CDC42SE2: variants seen among roughly 807,000 people sequenced by gnomAD.
The protein encoded by CDC42SE2 is CDC42 small effector protein 2.
A neutral mutation model predicts 11.5 loss-of-function variants in CDC42SE2; 3 were observed. That is an observed-to-expected ratio of 0.26 (90% confidence interval 0.12 to 0.67). The LOEUF (loss-of-function observed/expected upper bound fraction) is 0.67. Ranked by LOEUF, CDC42SE2 falls within the 30% of genes least tolerant of loss-of-function variation. CDC42SE2 has a pLI of 0.80. For missense variants in CDC42SE2, 82 were observed against 106.8 expected (o/e 0.77, Z 1.02); for synonymous variants, 33 against 34.8 (o/e 0.95, Z 0.18).
intron 2 of CDC42SE2, among the ~76,000 whole-genome samples, chr5:131,356,567 G>A (rs1580776416): frequency 6.6e-6 from 1 of 152,086 alleles, no homozygotes; most frequent in African/African-American, 2.4e-5. Context: ...CATCTTCTTG[G>A]TTTGAAAATA....
upstream of CDC42SE2, among the ~76,000 whole-genome samples, chr5:131,262,999 C>G (rs1756764304): frequency 6.6e-6 from 1 of 151,480 alleles, no homozygotes; most frequent in Non-Finnish European, 1.5e-5. Context: ...CCAGCCCAAG[C>G]TGGAGTGCAG....
intron 3 of CDC42SE2, among the ~76,000 whole-genome samples, chr5:131,373,867 A>C (rs999613061): frequency 6.6e-6 from 1 of 152,188 alleles, no homozygotes; most frequent in African/African-American, 2.4e-5. Context: ...AGCTGAAATA[A>C]AGTAGTGCAT....
intron 2 of CDC42SE2, among the ~76,000 whole-genome samples, chr5:131,349,551 G>A (rs1758948694): frequency 6.6e-6 from 1 of 152,124 alleles, no homozygotes. Context: ...AGAATCAACA[G>A]TTATATATTG....
At chr5:131,387,790 GT>G (rs1344072567) in intron 4 of CDC42SE2, among the ~76,000 whole-genome samples, 7 of 152,144 alleles carry the variant, frequency 4.6e-5, no homozygotes, top group Non-Finnish European at 1.5e-5. Context: ...CTGTGGTAGA[GT>G]TTCTACCTTG....
At chr5:131,360,884 A>G (rs183134960) in intron 3 of CDC42SE2, among the ~76,000 whole-genome samples, 22 of 152,214 alleles carry the variant, frequency 1.4e-4, no homozygotes, top group African/African-American at 4.3e-4. Flanking sequence ...TAATTGCTCT[A>G]CTTACTTAAT....
chr5:131,309,433 G>A (rs1052692712), intron 1 of CDC42SE2, among the ~76,000 whole-genome samples: 29 of 152,082 alleles, frequency 1.9e-4, no homozygotes, highest in Non-Finnish European at 3.2e-4. Context: ...TCTGCGCGGC[G>A]TTGGTATCAG....
At chr5:131,352,450 G>C (rs1749370917) in intron 2 of CDC42SE2, among the ~76,000 whole-genome samples, 2 of 152,114 alleles carry the variant, frequency 1.3e-5, no homozygotes, top group Admixed American at 1.3e-4. Context: ...AGTGCATGCT[G>C]TATAATTATA....
At chr5:131,309,155 A>C (rs1300427588) in intron 1 of CDC42SE2, among the ~76,000 whole-genome samples, 4 of 152,226 alleles carry the variant, frequency 2.6e-5, no homozygotes, top group Admixed American at 6.5e-5. Context: ...TTTAGCAAGA[A>C]GTGTTATTGA....
At chr5:131,339,803 C>T (rs889405312) in intron 2 of CDC42SE2, among the ~76,000 whole-genome samples, 10 of 147,434 alleles carry the variant, frequency 6.8e-5, no homozygotes, top group African/African-American at 2.6e-4. Context: ...GAGCAAGACC[C>T]CATCTCAAAA....
At chr5:131,325,292 AG>A (rs1758273096) in intron 2 of CDC42SE2, among the ~76,000 whole-genome samples, 1 of 152,190 alleles carries the variant, frequency 6.6e-6, no homozygotes, top group African/African-American at 2.4e-5. Context: ...GTGTGTATGC[AG>A]TTGCTAGTTT....
chr5:131,258,492 C>T (rs1479036515), intron 2 of CDC42SE2, among the ~76,000 whole-genome samples: 1 of 152,072 alleles, frequency 6.6e-6, no homozygotes, highest in Non-Finnish European at 1.5e-5. Flanking sequence ...CTTGTTGTCC[C>T]CAGAGGCATT....
chr5:131,296,960 C>A (rs12109963), intron 1 of CDC42SE2, among the ~76,000 whole-genome samples: 28,159 of 151,894 alleles, frequency 0.19, 6,753 homozygotes, highest in African/African-American at 0.56. Context: ...CTCTTAATAA[C>A]TCCAACCTAA....
chr5:131,378,143 C>T (rs929606397), intron 3 of CDC42SE2, among the ~76,000 whole-genome samples: 3 of 152,090 alleles, frequency 2.0e-5, no homozygotes, highest in African/African-American at 4.8e-5. Flanking sequence ...AGCCTCAACT[C>T]GGAATGTTTA....
At chr5:131,381,333 T>G (rs112740360) in intron 3 of CDC42SE2, among the ~76,000 whole-genome samples, 63 of 149,718 alleles carry the variant, frequency 4.2e-4, no homozygotes, top group African/African-American at 1.5e-3. Flanking sequence ...TTTTTTTTTT[T>G]GTTTTTTTGA....
intron 2 of CDC42SE2, among the ~76,000 whole-genome samples, chr5:131,332,909 T>G (rs1438202711): frequency 1.3e-5 from 2 of 152,192 alleles, no homozygotes; most frequent in Non-Finnish European, 2.9e-5. Context: ...TTTCTCCCAT[T>G]CTGTAGGTTG....
upstream of CDC42SE2, among the ~76,000 whole-genome samples, chr5:131,260,534 A>G (rs1756715156): frequency 6.6e-6 from 1 of 151,144 alleles, no homozygotes. Flanking sequence ...GAAGGAGGAG[A>G]GAATCACTTG....
In CDC42SE2 at chr5:131,366,244, T is replaced by G. The variant is rs1749853004; in HGVS notation, c.54+6697T>G. 2.0e-5 allele frequency among the ~76,000 whole-genome samples: 3 copies of G among 152,302 alleles called. No homozygotes were observed. In the South Asian group the frequency reaches 6.2e-4, roughly 32 times the overall value. ...CTTTAATATAACTGTGGAGATAGTT[T>G]GAATTTGTCTATATGTACTTGAAAA... is the stretch of plus-strand genomic sequence containing the variant. On this transcript the variant is annotated intron_variant, in intron 3 of 4. Coordinates refer to ENST00000505065, the MANE Select transcript of CDC42SE2 (RefSeq NM_001375635.1).
At position 131,256,971 on chromosome 5, in the gene CDC42SE2, C is replaced by T. The variant is rs553474471; in HGVS notation, n.242+1742C>T. ...TATTCATAGGTTCTGGAGATTAGGACCCAGAGTACTGGGGTAAAGGGGTGG... is the reference window on the plus strand; with the variant it reads ...TATTCATAGGTTCTGGAGATTAGGATCCAGAGTACTGGGGTAAAGGGGTGG... On this transcript the variant is annotated intron_variant and non_coding_transcript_variant, in intron 2 of 3. Coordinates refer to the CDC42SE2 transcript ENST00000502840. 7.2e-5 allele frequency among the ~76,000 whole-genome samples: 11 copies of T among 152,226 alleles called. No homozygotes were observed. In the South Asian group the frequency reaches 2.3e-3, roughly 32 times the overall value.
At chr5:131,263,511 C>A (rs946719258), upstream of CDC42SE2, among the ~76,000 whole-genome samples, 1 of 152,190 alleles carries the variant, frequency 6.6e-6, no homozygotes, top group African/African-American at 2.4e-5. Context: ...GTTTAGCCAG[C>A]CTTAAACCAG....
Sources: allele counts gnomAD v4.1 joint callset (sites outside exome capture counted in the v4.1 genomes callset), GRCh38; gene constraint gnomAD v4.1.1; transcripts MANE v1.5; gene names NCBI Gene and HGNC (gene_info 2026-07-23, HGNC 2026-07-21).